The following MINDY4 variants were observed in gnomAD, a reference collection of about 807,000 sequenced individuals.
The protein encoded by MINDY4 is MINDY lysine 48 deubiquitinase 4.
In MINDY4, 68 loss-of-function variants were observed where a neutral mutation model predicts 87.0. The ratio of observed to expected loss-of-function variants is 0.78; its 90% confidence interval spans 0.64 to 0.96. The LOEUF is 0.96. Ranked by LOEUF, MINDY4 falls within the 40% of genes least tolerant of loss-of-function variation. The pLI is 0.00. For synonymous variants in MINDY4, 379 were observed against 363.2 expected (o/e 1.04, Z -0.50); for missense variants, 919 against 928.2 (o/e 0.99, Z 0.13).
At chr7:30,794,945 C>T (rs1787439106) in intron 5 of MINDY4, among the ~76,000 whole-genome samples, 1 of 152,168 alleles carries the variant, frequency 6.6e-6, no homozygotes, top group Admixed American at 6.5e-5. Flanking sequence ...CCTGAGTAGA[C>T]CCTCAGGAAA....
chr7:30,798,845 C>T (rs1324252900), intron 5 of MINDY4, among the ~76,000 whole-genome samples: 1 of 152,178 alleles, frequency 6.6e-6, no homozygotes, highest in Non-Finnish European at 1.5e-5. Flanking sequence ...TGTGAACTGG[C>T]CTTCCTGTGG....
intron 15 of MINDY4, among the ~76,000 whole-genome samples, chr7:30,881,204 C>T (rs1237299189): frequency 6.6e-6 from 1 of 152,120 alleles, no homozygotes; most frequent in East Asian, 1.9e-4. Flanking sequence ...GTGTCAGGGG[C>T]TGGGGGAAAG....
intron 5 of MINDY4, among the ~76,000 whole-genome samples, chr7:30,805,410 G>A (rs1033384947): frequency 3.9e-5 from 6 of 152,292 alleles, no homozygotes; most frequent in Admixed American, 6.5e-5. Flanking sequence ...GGGCAGAAAC[G>A]CAGATCCCAG....
At chr7:30,879,821 T>A (rs1165838182) in intron 15 of MINDY4, among the ~76,000 whole-genome samples, 2 of 152,220 alleles carry the variant, frequency 1.3e-5, no homozygotes, top group Non-Finnish European at 2.9e-5. Flanking sequence ...GCATCGCATT[T>A]CATCGCCTTT....
intron 9 of MINDY4, among the ~76,000 whole-genome samples, chr7:30,841,784 G>C (rs1037477818): frequency 2.0e-5 from 3 of 152,166 alleles, no homozygotes; most frequent in African/African-American, 7.2e-5. Flanking sequence ...AGCATCCTCT[G>C]GTACCCAGCA....
At chr7:30,839,418 G>GCT in intron 8 of MINDY4, 102 bp downstream of exon 8, 3 of 680,520 alleles carry the variant, frequency 4.4e-6, no homozygotes, top group Non-Finnish European at 7.5e-6. Flanking sequence ...CATTAGCTGA[G>GCT]CTATTCTGGA....
chr7:30,872,644 G>C (rs1790140503), intron 14 of MINDY4, among the ~76,000 whole-genome samples: 1 of 152,356 alleles, frequency 6.6e-6, no homozygotes, highest in South Asian at 2.1e-4. Flanking sequence ...TCAGGCATGG[G>C]CCAGGGGACC....
chr7:30,865,518 G>C (rs576846545), intron 13 of MINDY4, among the ~76,000 whole-genome samples: 1 of 152,092 alleles, frequency 6.6e-6, no homozygotes, highest in Non-Finnish European at 1.5e-5. Flanking sequence ...CCCGTCCCTG[G>C]GAGCCACCTG....
At chr7:30,845,979 TC>T (rs1789202855) in intron 9 of MINDY4, among the ~76,000 whole-genome samples, 1 of 152,006 alleles carries the variant, frequency 6.6e-6, no homozygotes. Context: ...GAGCTCTTGA[TC>T]CCCCTGAAGG....
chr7:30,852,574 CCTT>C (rs753218945), intron 11 of MINDY4, among the ~76,000 whole-genome samples: 2 of 151,442 alleles, frequency 1.3e-5, no homozygotes, highest in African/African-American at 2.4e-5. Flanking sequence ...TTCCCTGTGT[CCTT>C]CTTCCTCTTT....
Position 30,840,792 on chromosome 7 carries a change from A to G in MINDY4, c.1389A>G (p.Gln463=). 1 of 1,614,184 alleles carries G rather than the reference A, an allele frequency of 6.2e-7. No homozygotes were observed. The highest frequency in any genetic ancestry group is 8.5e-7 in the Non-Finnish European group (1 of 1,180,016). ...CTTGCGGAGTCCTGGCAGCTGTCCA[A>G]GGCTGTGTCCTACAGAAACTCCTGT... ...GGPCGVLAAV[Q]GCVLQKLLFE... The change falls in exon 9 of 18, where the codon CAA becomes CAG. Residue 463 remains glutamine, a synonymous_variant. Coordinates refer to ENST00000265299, the MANE Select transcript of MINDY4 (RefSeq NM_032222.3).
Position 30,791,148 on chromosome 7 carries a change from G to A in MINDY4, c.664-17G>A. On this transcript the variant is annotated splice_polypyrimidine_tract_variant and intron_variant, in intron 4 of 17. Transcript: ENST00000265299. ...CCCTCAAAGGGTCCTCACTGCTTTT[G>A]TCCTTACTCCCTTTAGGATTCTTTT... is the stretch of plus-strand genomic sequence containing the variant. 6.3e-7 allele frequency: 1 copy of A among 1,586,980 alleles called. No individual in the cohort carries two copies. The highest frequency in any genetic ancestry group is 2.3e-5 in the East Asian group (1 of 44,388).
At chr7:30,777,669 A>G (rs1487150356) in intron 1 of MINDY4, among the ~76,000 whole-genome samples, 1 of 152,086 alleles carries the variant, frequency 6.6e-6, no homozygotes, top group Non-Finnish European at 1.5e-5. Context: ...TCTGGAATCC[A>G]TTAAGAACAA....
chr7:30,771,806 G>T (rs1330896855), intron 1 of MINDY4, among the ~76,000 whole-genome samples: 2 of 152,238 alleles, frequency 1.3e-5, no homozygotes, highest in Admixed American at 6.5e-5. Flanking sequence ...CCCTCCTGGG[G>T]CATCCGCGCT....
In MINDY4 at chr7:30,788,891, G is replaced by C. The variant is rs964389907; in HGVS notation, c.664-2274G>C. Among the ~76,000 whole-genome samples, 3 of 151,792 alleles carry C rather than the reference G, an allele frequency of 2.0e-5. No individual in the cohort carries two copies. In the East Asian group the frequency reaches 5.8e-4, roughly 29 times the overall value. Reference sequence around the variant, plus strand: ...TAAGGGCATAAAATGAATAATTTTTGTGTCAGCATGGACATTCCTCGGTGA... The same window carrying C: ...TAAGGGCATAAAATGAATAATTTTTCTGTCAGCATGGACATTCCTCGGTGA... On this transcript the variant is annotated intron_variant, in intron 4 of 17. Transcript: ENST00000265299.
intron 13 of MINDY4, among the ~76,000 whole-genome samples, chr7:30,862,568 G>A (rs947751041): frequency 6.6e-6 from 1 of 152,216 alleles, no homozygotes; most frequent in African/African-American, 2.4e-5. Flanking sequence ...TCTGGGGCTG[G>A]AATCCCACCT....
At chr7:30,878,415 A>G (rs1259799017) in intron 15 of MINDY4, among the ~76,000 whole-genome samples, 3 of 152,268 alleles carry the variant, frequency 2.0e-5, no homozygotes, top group South Asian at 2.1e-4. Flanking sequence ...ACCCCCTGCC[A>G]TAAGTAACTG....
intron 5 of MINDY4, among the ~76,000 whole-genome samples, chr7:30,813,921 G>A (rs150452597): frequency 0.018 from 2,672 of 152,296 alleles, 41 homozygotes; most frequent in Non-Finnish European, 0.025. Context: ...GCAGTGTAGG[G>A]TGGAAGGAAG....
chr7:30,847,930 G>A (rs1048226654), intron 9 of MINDY4, among the ~76,000 whole-genome samples: 4 of 152,038 alleles, frequency 2.6e-5, no homozygotes, highest in South Asian at 2.1e-4. Context: ...ACAGAGTCTC[G>A]CTATGTTGCC....
Sources: gnomAD v4.1 joint callset for allele counts (sites outside exome capture counted in the v4.1 genomes callset) on GRCh38, gnomAD v4.1.1 for gene constraint, MANE v1.5 for transcripts, NCBI Gene and HGNC (gene_info 2026-07-23, HGNC 2026-07-21) for gene names.